PTPRD: variants seen among roughly 807,000 people sequenced by gnomAD.
The protein encoded by PTPRD is protein tyrosine phosphatase receptor type D.
PTPRD carries 34 observed loss-of-function variants against 214.5 expected under a neutral mutation model. The ratio of observed to expected loss-of-function variants is 0.16; its 90% CI spans 0.12 to 0.21. The LOEUF (loss-of-function observed/expected upper bound fraction) is 0.21, where lower values mean the gene tolerates loss of function less well. Among genes scored for constraint, PTPRD ranks in the 10% least tolerant of loss-of-function variants. The probability of loss-of-function intolerance (pLI) is 1.00; values close to 1 mark genes in which losing one functional copy is unlikely to be tolerated. For missense variants in PTPRD, 2,545 were observed against 2,398.7 expected, an observed-to-expected ratio of 1.06 and a Z score of -1.27; for synonymous variants, 1,128 against 845.7, an observed-to-expected ratio of 1.33 and a Z score of -5.79.
chr9:8,734,045 G>A lies in PTPRD; in HGVS notation c.-103-99C>T. 5.1e-6 allele frequency: 3 copies of A among 593,638 alleles called. No homozygotes were observed. In the East Asian group the frequency reaches 8.4e-5, roughly 17 times the overall value. The allele number at this position is 593,638 out of a possible 1,614,324, so 36.8% of individuals were successfully genotyped here. On this transcript the variant is annotated intron_variant, in intron 11 of 45. Coordinates refer to ENST00000381196, the MANE Select transcript of PTPRD (RefSeq NM_002839.4). The stretch of plus-strand genomic sequence containing the variant: ...TGGTTCCATCACAATCACCATGACA[G>A]ACACAATCCATTGTAAATACACAAT...
chr9:8,446,648 T>C (rs2095740119), intron 34 of PTPRD, among the ~76,000 whole-genome samples: 1 of 152,214 alleles, frequency 6.6e-6, no homozygotes, highest in Admixed American at 6.5e-5. Flanking sequence ...TTAATAAATA[T>C]TCTCAAGCGT....
chr9:9,617,566 G>C (rs777766221), intron 7 of PTPRD, among the ~76,000 whole-genome samples: 1 of 152,100 alleles, frequency 6.6e-6, no homozygotes, highest in Non-Finnish European at 1.5e-5. Context: ...AATGAAAAAA[G>C]AGAGTTCTAG....
intron 37 of PTPRD, among the ~76,000 whole-genome samples, chr9:8,380,292 C>T (rs2084614036): frequency 6.6e-6 from 1 of 152,142 alleles, no homozygotes; most frequent in Non-Finnish European, 1.5e-5. Flanking sequence ...TCTAAACCTC[C>T]TTGTTCTTCA....
At chr9:9,038,511 G>A (rs551012480) in intron 10 of PTPRD, among the ~76,000 whole-genome samples, 1 of 151,364 alleles carries the variant, frequency 6.6e-6, no homozygotes, top group East Asian at 1.9e-4. Context: ...TTCACTTTAA[G>A]TGGGGGGCTA....
chr9:9,797,560 G>A (rs1246516668), intron 5 of PTPRD, among the ~76,000 whole-genome samples: 3 of 151,990 alleles, frequency 2.0e-5, no homozygotes, highest in African/African-American at 7.2e-5. Flanking sequence ...ATCGTCTTCT[G>A]TCAGGTCGTG....
intron 11 of PTPRD, among the ~76,000 whole-genome samples, chr9:9,005,750 G>T (rs1344433233): frequency 1.3e-5 from 2 of 152,018 alleles, no homozygotes; most frequent in Admixed American, 1.3e-4. Flanking sequence ...TTTCTTAAAT[G>T]AGAGATCCTT....
At chr9:10,496,486 T>A (rs1232111428) in intron 2 of PTPRD, among the ~76,000 whole-genome samples, 1 of 152,008 alleles carries the variant, frequency 6.6e-6, no homozygotes, top group Non-Finnish European at 1.5e-5. Flanking sequence ...ATTTGCAACA[T>A]TAATATTTTA....
chr9:9,299,172 C>T (rs1954282450), intron 9 of PTPRD, among the ~76,000 whole-genome samples: 1 of 151,710 alleles, frequency 6.6e-6, no homozygotes, highest in Non-Finnish European at 1.5e-5. Flanking sequence ...ATTGATTGAT[C>T]ACTACATAGA....
chr9:10,084,455 A>G (rs915810656), intron 3 of PTPRD, among the ~76,000 whole-genome samples: 2 of 151,952 alleles, frequency 1.3e-5, no homozygotes, highest in Admixed American at 1.3e-4. Context: ...AAAATCCATG[A>G]TTAAACCAGT....
At chr9:9,747,093 T>G (rs1255711255) in intron 6 of PTPRD, among the ~76,000 whole-genome samples, 1 of 152,044 alleles carries the variant, frequency 6.6e-6, no homozygotes, top group Non-Finnish European at 1.5e-5. Context: ...TGGAGAGAAA[T>G]GTATTGTAGA....
chr9:10,151,255 A>ATTT (rs2099059072), intron 3 of PTPRD, among the ~76,000 whole-genome samples: 1 of 27,390 alleles, frequency 3.7e-5, no homozygotes, highest in Non-Finnish European at 7.2e-5. Flanking sequence ...TTTTTTGTTA[A>ATTT]CTTTTTTTTT....
At chr9:10,134,805 CA>C (rs2098930270) in intron 3 of PTPRD, among the ~76,000 whole-genome samples, 1 of 152,106 alleles carries the variant, frequency 6.6e-6, no homozygotes, top group Non-Finnish European at 1.5e-5. Flanking sequence ...TACGGCAATT[CA>C]AAAAGTCAGC....
At chr9:8,487,035 C>T (rs1180329126) in intron 27 of PTPRD, among the ~76,000 whole-genome samples, 2 of 152,042 alleles carry the variant, frequency 1.3e-5, no homozygotes, top group Non-Finnish European at 2.9e-5. Flanking sequence ...TATTGACTTA[C>T]TATGAATTTA....
chr9:9,799,999 C>T (rs2099028490), intron 5 of PTPRD, among the ~76,000 whole-genome samples: 1 of 152,020 alleles, frequency 6.6e-6, no homozygotes, highest in Non-Finnish European at 1.5e-5. Context: ...CTCAACTATT[C>T]CTACAGGTGG....
intron 9 of PTPRD, among the ~76,000 whole-genome samples, chr9:9,354,576 A>T (rs1277917860): frequency 6.6e-6 from 1 of 151,792 alleles, no homozygotes; most frequent in South Asian, 2.1e-4. Flanking sequence ...TGAATGAAAC[A>T]AAGTTTCCTT....
chr9:8,538,680 CAT>C lies in PTPRD; in HGVS notation c.353-9903_353-9902del, dbSNP rs58807560. Reference sequence around the variant, plus strand: ...TACATATTTTAAATATATATGTATACATATATATATGACTTGTAAATGAGTAT... The same window carrying C: ...TACATATTTTAAATATATATGTATACATATATATGACTTGTAAATGAGTAT... On this transcript the variant is annotated intron_variant, in intron 14 of 45. Transcript: ENST00000381196. Among the ~76,000 whole-genome samples the C allele has an allele frequency of 3.7e-3, 562 of 151,048 alleles. 4 individuals carry two copies. Among genetic ancestry groups the C allele is most frequent in the African/African-American group, 0.013 (547 of 41,236 alleles).
chr9:8,513,939 T>C (rs1295034898), intron 21 of PTPRD, among the ~76,000 whole-genome samples: 1 of 152,156 alleles, frequency 6.6e-6, no homozygotes, highest in Non-Finnish European at 1.5e-5. Context: ...AAAACTATTA[T>C]GGAAGATTCT....
chr9:8,740,255 T>G (rs1038506663), intron 11 of PTPRD, among the ~76,000 whole-genome samples: 4 of 152,258 alleles, frequency 2.6e-5, no homozygotes, highest in African/African-American at 9.6e-5. Context: ...TTAACGAATG[T>G]TCCTTTAATA....
intron 8 of PTPRD, among the ~76,000 whole-genome samples, chr9:9,561,970 C>A (rs1170548837): frequency 6.6e-6 from 1 of 152,088 alleles, no homozygotes; most frequent in South Asian, 2.1e-4. Context: ...CCAACATTCA[C>A]TTTTTTAATC....
Sources: allele counts gnomAD v4.1 joint callset (sites outside exome capture counted in the v4.1 genomes callset), GRCh38; gene constraint gnomAD v4.1.1; transcripts MANE v1.5; gene names NCBI Gene and HGNC (gene_info 2026-07-23, HGNC 2026-07-21).